Variants in LRP5 observed in about 807,000 individuals in gnomAD.
LRP5 encodes low-density lipoprotein receptor-related protein 5.
LRP5 carries 62 observed loss-of-function variants against 154.1 expected under a neutral mutation model. The observed-to-expected ratio is 0.40, with a 90% CI of 0.33 to 0.50. The LOEUF (loss-of-function observed/expected upper bound fraction) is 0.50. Ranked by LOEUF, LRP5 falls within the 20% of genes least tolerant of loss-of-function variation. The probability of loss-of-function intolerance (pLI) is 0.55; values close to 1 mark genes in which losing one functional copy is unlikely to be tolerated. For missense variants in LRP5, 1,915 were observed against 2,336.7 expected (o/e 0.82, Z 3.72); for synonymous variants, 966 against 1,011.5 (o/e 0.96, Z 0.85).
chr11:68,333,016 T>G (rs1021929298), intron 1 of LRP5, among the ~76,000 whole-genome samples: 6 of 152,198 alleles, frequency 3.9e-5, no homozygotes, highest in African/African-American at 1.4e-4. Context: ...TCATTTTGAA[T>G]CTTTAGACAA....
At chr11:68,338,025 T>C (rs986592254) in intron 1 of LRP5, among the ~76,000 whole-genome samples, 2 of 152,036 alleles carry the variant, frequency 1.3e-5, no homozygotes, top group African/African-American at 2.4e-5. Flanking sequence ...TGTGTGTGCG[T>C]GTGTGTGTGT....
chr11:68,436,840 G>T, intron 18 of LRP5, 49 bp from the exon 19 acceptor site: 1 of 1,408,978 alleles, frequency 7.1e-7, no homozygotes. Flanking sequence ...TGCATGGTGG[G>T]CTGGGGGGCA....
Position 68,406,508 on chromosome 11 carries a change from CTG to C in LRP5, c.1802-12_1802-11del. 2 of 1,613,980 alleles carry C rather than the reference CTG, an allele frequency of 1.2e-6. No individual in the cohort carries two copies. The highest frequency in any genetic ancestry group is 1.7e-6 in the Non-Finnish European group (2 of 1,179,962). ...GCTGTTGATGTTTAGACTGGAGCCT[CTG>C]TGTTCGCTTCCAGGAACCAACCCGT... On this transcript the variant is annotated splice_polypyrimidine_tract_variant and intron_variant, in intron 8 of 22. Coordinates refer to ENST00000294304, the MANE Select transcript of LRP5 (RefSeq NM_002335.4).
intron 17 of LRP5, among the ~76,000 whole-genome samples, chr11:68,432,021 G>A (rs1263953048): frequency 3.9e-5 from 6 of 152,332 alleles, no homozygotes; most frequent in Admixed American, 6.5e-5. Flanking sequence ...CTGAGGTCTC[G>A]GACATGGACC....
chr11:68,310,168 T>G (rs2098586873), upstream of LRP5, among the ~76,000 whole-genome samples: 1 of 151,712 alleles, frequency 6.6e-6, no homozygotes, highest in African/African-American at 2.4e-5. Flanking sequence ...CTGGCAATAG[T>G]GGGTGGTGGT....
At chr11:68,332,280 A>G (rs1294901406) in intron 1 of LRP5, among the ~76,000 whole-genome samples, 2 of 152,210 alleles carry the variant, frequency 1.3e-5, no homozygotes, top group African/African-American at 2.4e-5. Context: ...TTTATTCATT[A>G]TTGTCATGCA....
rs772611192 is a variant in LRP5 at position 68,365,650 on chromosome 11, C to T, written c.963C>T (p.Cys321=). ...LLSPSEPFYT[C]ACPTGVQLQD... ...CCCCAAGCGAGCCTTTCTACACATGCGCCTGCCCCACGGGTGTGCAGCTGC... is the reference window on the plus strand; with the variant it reads ...CCCCAAGCGAGCCTTTCTACACATGTGCCTGCCCCACGGGTGTGCAGCTGC... The change falls in exon 5 of 23, where the codon TGC becomes TGT. Residue 321 remains cysteine (C), a synonymous_variant. Transcript: ENST00000294304. 2.6e-5 allele frequency: 42 copies of T among 1,612,274 alleles called. No homozygotes were observed. Among genetic ancestry groups the T allele is most frequent in the South Asian group, 4.4e-5 (4 of 91,018 alleles).
At chr11:68,357,582 C>T (rs1411217414) in intron 2 of LRP5, 68 bp from the exon 3 acceptor site, 13 of 1,401,238 alleles carry the variant, frequency 9.3e-6, no homozygotes, top group Non-Finnish European at 1.3e-5. Context: ...TTCATGTCTG[C>T]ATCTATGCAG....
At chr11:68,308,839 C>T (rs933103748), upstream of LRP5, among the ~76,000 whole-genome samples, 3 of 151,356 alleles carry the variant, frequency 2.0e-5, no homozygotes, top group Admixed American at 6.6e-5. Context: ...ACCTCTGCCT[C>T]CCGGGTTCAA....
intron 5 of LRP5, among the ~76,000 whole-genome samples, chr11:68,367,664 G>A (rs147046557): frequency 2.6e-5 from 4 of 152,338 alleles, no homozygotes; most frequent in Non-Finnish European, 5.9e-5. Flanking sequence ...GGCGGAAAGG[G>A]AAAGAGTGAG....
chr11:68,428,943 A>AAAAAGAAAAG (rs1226823081), intron 16 of LRP5, among the ~76,000 whole-genome samples: 1 of 3,174 alleles, frequency 3.2e-4, no homozygotes, highest in East Asian at 0.012. Context: ...AAAAAAAAAA[A>AAAAAGAAAAG]AAAATTAGCC....
At chr11:68,425,438 C>A in intron 15 of LRP5, 146 bp downstream of exon 15, 1 of 841,346 alleles carries the variant, frequency 1.2e-6, no homozygotes, top group Non-Finnish European at 1.9e-6. Context: ...CTCACACTGA[C>A]AGCTGTAGGC....
At chr11:68,440,351 C>G (rs896671564) in intron 21 of LRP5, among the ~76,000 whole-genome samples, 3 of 152,176 alleles carry the variant, frequency 2.0e-5, no homozygotes, top group African/African-American at 7.2e-5. Flanking sequence ...TTGTGCATGA[C>G]AGACAAACAC....
At chr11:68,419,900 G>A (rs1316462822) in intron 13 of LRP5, among the ~76,000 whole-genome samples, 1 of 151,758 alleles carries the variant, frequency 6.6e-6, no homozygotes, top group South Asian at 2.1e-4. Context: ...GCAATGGTGG[G>A]CTCTTGGCTC....
intron 1 of LRP5, among the ~76,000 whole-genome samples, chr11:68,320,901 T>A (rs2098596375): frequency 6.6e-6 from 1 of 152,202 alleles, no homozygotes; most frequent in Non-Finnish European, 1.5e-5. Flanking sequence ...ATCATAAAGA[T>A]ATTAAGAAGC....
intron 5 of LRP5, among the ~76,000 whole-genome samples, chr11:68,378,721 CT>C (rs1490450492): frequency 6.6e-6 from 1 of 152,030 alleles, no homozygotes; most frequent in Non-Finnish European, 1.5e-5. Flanking sequence ...TCTTGTGCAC[CT>C]TTTTTCTGTT....
At chr11:68,440,481 A>G (rs552512040) in intron 21 of LRP5, among the ~76,000 whole-genome samples, 1 of 152,338 alleles carries the variant, frequency 6.6e-6, no homozygotes, top group East Asian at 1.9e-4. Flanking sequence ...GCTGCCCTCC[A>G]GGATCACTGG....
rs1181409824 is a variant in LRP5 at position 68,447,773 on chromosome 11, C to G, written c.4587-1036C>G. ...ACCTTCCCACCCATTGCAGGCCCCT[C>G]TGTGACAGGACGGGGGCTCCTAAAC... On this transcript the variant is annotated intron_variant, in intron 22 of 22. Transcript: ENST00000294304. The surrounding 1 kb of genome is among the most constrained non-coding windows in gnomAD (Gnocchi z 4.3). Among the ~76,000 whole-genome samples, 1 of 152,192 alleles carries G rather than the reference C, an allele frequency of 6.6e-6. No homozygotes were observed. Among genetic ancestry groups the G allele is most frequent in the Non-Finnish European group, 1.5e-5 (1 of 68,036 alleles).
intron 7 of LRP5, 75 bp downstream of exon 7, chr11:68,390,127 C>T (rs903956955): frequency 7.1e-6 from 11 of 1,552,938 alleles, no homozygotes; most frequent in Admixed American, 1.8e-5. Context: ...TACGTATTGG[C>T]GAGGCACCGA....
Sources: allele counts gnomAD v4.1 joint callset (sites outside exome capture counted in the v4.1 genomes callset), GRCh38; gene constraint gnomAD v4.1.1; non-coding constraint Gnocchi (gnomAD v3.1); transcripts MANE v1.5; gene names NCBI Gene and HGNC (gene_info 2026-07-23, HGNC 2026-07-21).